Variants in GALNT7 observed in about 807,000 individuals in gnomAD.
GALNT7 encodes polypeptide N-acetylgalactosaminyltransferase 7.
A neutral mutation model predicts 82.1 loss-of-function variants in GALNT7; 60 were observed. That is an observed-to-expected ratio of 0.73 (90% CI 0.59 to 0.91). The LOEUF is 0.91. Among genes scored for constraint, GALNT7 ranks in the 40% least tolerant of loss-of-function variants. The pLI is 0.00. For missense variants in GALNT7, 660 were observed against 804.2 expected (o/e 0.82, Z 2.17); for synonymous variants, 243 against 275.1 (o/e 0.88, Z 1.15).
At chr4:173,182,690 A>G (rs1732286259) in intron 1 of GALNT7, among the ~76,000 whole-genome samples, 1 of 147,170 alleles carries the variant, frequency 6.8e-6, no homozygotes, top group Admixed American at 6.8e-5. Flanking sequence ...ACACACACAC[A>G]CACACAGCGT....
At chr4:173,289,354 G>A (rs1457151342) in intron 2 of GALNT7, among the ~76,000 whole-genome samples, 2 of 152,132 alleles carry the variant, frequency 1.3e-5, no homozygotes, top group African/African-American at 4.8e-5. Flanking sequence ...TGGCTTCTTT[G>A]TCCTGCGTCC....
intron 1 of GALNT7, among the ~76,000 whole-genome samples, chr4:173,221,625 A>G (rs1300903229): frequency 4.6e-5 from 7 of 152,216 alleles, no homozygotes; most frequent in Non-Finnish European, 1.0e-4. Flanking sequence ...AACATTCCTT[A>G]ATTAACTTAG....
chr4:173,240,004 A>T (rs1734368734), intron 1 of GALNT7, among the ~76,000 whole-genome samples: 1 of 152,198 alleles, frequency 6.6e-6, no homozygotes, highest in Non-Finnish European at 1.5e-5. Context: ...CTTTTAAACT[A>T]TACCTAATCA....
intron 1 of GALNT7, among the ~76,000 whole-genome samples, chr4:173,213,640 G>A (rs1053483913): frequency 2.0e-5 from 3 of 151,912 alleles, no homozygotes; most frequent in Non-Finnish European, 4.4e-5. Flanking sequence ...TCCTGAAAAC[G>A]ATTTGATAAC....
chr4:173,183,050 A>ACACAC (rs1322751445), intron 1 of GALNT7, among the ~76,000 whole-genome samples: 42 of 59,928 alleles, frequency 7.0e-4, no homozygotes, highest in African/African-American at 4.2e-3. Context: ...ATAAACACAC[A>ACACAC]CACACACACA....
chr4:173,279,568 G>C (rs1736037104), intron 2 of GALNT7, among the ~76,000 whole-genome samples: 1 of 152,190 alleles, frequency 6.6e-6, no homozygotes, highest in Admixed American at 6.5e-5. Context: ...ACATATTCAA[G>C]TGTCAGCACT....
At chr4:173,242,169 C>T (rs1734458403) in intron 1 of GALNT7, among the ~76,000 whole-genome samples, 1 of 151,986 alleles carries the variant, frequency 6.6e-6, no homozygotes, top group African/African-American at 2.4e-5. Context: ...TATTTTGTTA[C>T]CCTTTGGTTT....
At chr4:173,174,396 C>T (rs1211624504) in intron 1 of GALNT7, among the ~76,000 whole-genome samples, 2 of 152,200 alleles carry the variant, frequency 1.3e-5, no homozygotes, top group African/African-American at 2.4e-5. Flanking sequence ...GTATTTCCTC[C>T]ATCTTTCCTG....
chr4:173,186,278 C>A lies in GALNT7; in HGVS notation c.126+17317C>A, dbSNP rs114533313. Among the ~76,000 whole-genome samples the A allele has an allele frequency of 7.9e-3, 1,203 of 152,240 alleles. 12 individuals carry two copies. The highest frequency in any genetic ancestry group is 0.028 in the African/African-American group (1,160 of 41,540). Reference sequence around the variant, plus strand: ...TCCCCAAGGACAAGGTGGCAGCTGGCGGATTAAAAATAAAAGCTGACATCA... The same window carrying A: ...TCCCCAAGGACAAGGTGGCAGCTGGAGGATTAAAAATAAAAGCTGACATCA... On this transcript the variant is annotated intron_variant, in intron 1 of 11. Transcript: ENST00000265000.
rs141405671 is a variant in GALNT7, at chr4:173,182,486, C to G, written c.126+13525C>G. ...TATGAGGCCTGGAATTTGAGTGATT[C>G]ATTGGTCAGTTTCTTTTGGGTTCCA... On this transcript the variant is annotated intron_variant, in intron 1 of 11. Transcript: ENST00000265000. 1.1e-4 allele frequency among the ~76,000 whole-genome samples: 16 copies of G among 152,192 alleles called. No homozygotes were observed. The East Asian group carries it at 3.1e-3, about 29-fold the overall frequency.
intron 1 of GALNT7, among the ~76,000 whole-genome samples, chr4:173,198,177 A>C (rs2126648962): frequency 6.7e-6 from 1 of 150,316 alleles, no homozygotes; most frequent in South Asian, 2.1e-4. Flanking sequence ...CTCCCGCCTC[A>C]GCCTCCCAAG....
chr4:173,200,465 A>C (rs186886216), intron 1 of GALNT7, among the ~76,000 whole-genome samples: 18 of 152,236 alleles, frequency 1.2e-4, no homozygotes, highest in African/African-American at 3.9e-4. Context: ...AAAAAAAAGA[A>C]TATCTCGCTT....
At chr4:173,260,175 T>C (rs1490540662) in intron 2 of GALNT7, among the ~76,000 whole-genome samples, 2 of 152,242 alleles carry the variant, frequency 1.3e-5, no homozygotes, top group African/African-American at 4.8e-5. Flanking sequence ...CCTTGCTCAG[T>C]GTCTTCAATA....
chr4:173,260,659 A>C (rs1425447120), intron 2 of GALNT7, among the ~76,000 whole-genome samples: 1 of 152,164 alleles, frequency 6.6e-6, no homozygotes, highest in African/African-American at 2.4e-5. Flanking sequence ...TTGTGAAATT[A>C]TGTTGGCAAG....
At chr4:173,269,851 C>A (rs1436277932) in intron 2 of GALNT7, among the ~76,000 whole-genome samples, 2 of 152,100 alleles carry the variant, frequency 1.3e-5, no homozygotes, top group Non-Finnish European at 2.9e-5. Flanking sequence ...GCCATAAAGT[C>A]CAATTTTATA....
Position 173,296,309 on chromosome 4 carries a change from A to G in GALNT7, c.965+466A>G, listed in dbSNP as rs911330250. 9.9e-5 allele frequency among the ~76,000 whole-genome samples: 15 copies of G among 152,236 alleles called. 3 individuals are homozygous for G. In the South Asian group the frequency reaches 2.3e-3, roughly 23 times the overall value. On this transcript the variant is annotated intron_variant, in intron 5 of 11. Transcript: ENST00000265000. ...AAACTTTAAAGTTTAGAAATAGACA[A>G]CTATTCCATGGAATTGTGACAATCA...
At position 173,223,972 on chromosome 4, in the gene GALNT7, T is replaced by G. The variant is rs138043034; in HGVS notation, c.127-24008T>G. 5.2e-3 allele frequency among the ~76,000 whole-genome samples: 794 copies of G among 152,306 alleles called. 9 individuals are homozygous for G. The highest frequency in any genetic ancestry group is 0.018 in the African/African-American group (764 of 41,562). ...GTTGTTTCATCGCTGGTAATTGTAT[T>G]TAATCATTTGTTCATGGTGGTAAGT... On this transcript the variant is annotated intron_variant, in intron 1 of 11. Coordinates refer to ENST00000265000, the MANE Select transcript of GALNT7 (RefSeq NM_017423.3).
At chr4:173,201,413 G>T (rs1732942532) in intron 1 of GALNT7, among the ~76,000 whole-genome samples, 1 of 152,054 alleles carries the variant, frequency 6.6e-6, no homozygotes, top group Non-Finnish European at 1.5e-5. Flanking sequence ...CCAAGTACTT[G>T]CTGTTCTCTT....
In GALNT7 at chr4:173,254,425, A is replaced by G. The variant is rs537698273; in HGVS notation, c.587+5985A>G. On this transcript the variant is annotated intron_variant, in intron 2 of 11. Transcript: ENST00000265000. ...TAGAATGTATTGCTATAATTTATAA[A>G]ATGGTTGCTATTTTTAAAACATTGA... is the stretch of plus-strand genomic sequence containing the variant. 5.3e-5 allele frequency among the ~76,000 whole-genome samples: 8 copies of G among 152,278 alleles called. No homozygotes were observed. In the East Asian group the frequency reaches 1.5e-3, roughly 29 times the overall value.
Sources: allele counts gnomAD v4.1 joint callset (sites outside exome capture counted in the v4.1 genomes callset), GRCh38; gene constraint gnomAD v4.1.1; transcripts MANE v1.5; gene names NCBI Gene and HGNC (gene_info 2026-07-23, HGNC 2026-07-21).